Variants in RGL1 observed in about 807,000 individuals in gnomAD.
The protein encoded by RGL1 is ral guanine nucleotide dissociation stimulator-like 1.
Under a neutral mutation model 95.2 loss-of-function variants are expected in RGL1, and 24 were observed. The observed-to-expected ratio is 0.25, with a 90% CI of 0.18 to 0.35. RGL1 has a LOEUF of 0.35. Among genes scored for constraint, RGL1 ranks in the 10% least tolerant of loss-of-function variants. The pLI is 1.00. For synonymous variants in RGL1, 329 were observed against 344.9 expected (o/e 0.95, Z 0.51); for missense variants, 715 against 936.3 (o/e 0.76, Z 3.08).
intron 2 of RGL1, among the ~76,000 whole-genome samples, chr1:183,841,912 T>A (rs972885289): frequency 1.3e-5 from 2 of 152,126 alleles, no homozygotes; most frequent in Non-Finnish European, 2.9e-5. Flanking sequence ...ATTTTCAGAA[T>A]GGGGATACTT....
In RGL1 at chr1:183,926,969, G is replaced by A. The variant is rs540750552; in HGVS notation, c.*677G>A. ...CTTTCTGCTACCCTAGGGAGGCCAG[G>A]AGGAGCTTCGGAGGACCATCGCCCC... On this transcript the variant is annotated 3_prime_UTR_variant, in exon 18 of 18. Coordinates refer to ENST00000360851, the MANE Select transcript of RGL1 (RefSeq NM_001297671.3). 6.5e-6 allele frequency: 1 copy of A among 152,788 alleles called. No homozygotes were observed. The highest frequency in any genetic ancestry group is 1.5e-5 in the Non-Finnish European group (1 of 68,068). 9.5% of individuals were successfully genotyped at this position (152,788 alleles called of 1,614,324 possible). A position where few individuals can be genotyped will look rare whatever the true frequency, so the allele number is the denominator to read the frequency against.
chr1:183,732,799 A>T (rs919567362), intron 1 of RGL1, among the ~76,000 whole-genome samples: 1 of 152,220 alleles, frequency 6.6e-6, no homozygotes, highest in Non-Finnish European at 1.5e-5. Context: ...TAATTGAGTA[A>T]CCATTGAATG....
chr1:183,799,137 C>T (rs1359378047), intron 2 of RGL1, among the ~76,000 whole-genome samples: 1 of 151,670 alleles, frequency 6.6e-6, no homozygotes, highest in East Asian at 1.9e-4. Context: ...CTCCCAACCT[C>T]GTGATCTGCC....
At chr1:183,914,856 G>T (rs566916440) in intron 15 of RGL1, among the ~76,000 whole-genome samples, 10 of 152,196 alleles carry the variant, frequency 6.6e-5, no homozygotes, top group Non-Finnish European at 1.2e-4. Flanking sequence ...GGAACATGAA[G>T]GCGAAAAAAT....
At chr1:183,842,616 A>G (rs957290676) in intron 2 of RGL1, among the ~76,000 whole-genome samples, 2 of 152,212 alleles carry the variant, frequency 1.3e-5, no homozygotes, top group African/African-American at 2.4e-5. Flanking sequence ...AAAAACAAAC[A>G]TGAAACATTT....
At chr1:183,850,153 G>T (rs553574930) in intron 3 of RGL1, among the ~76,000 whole-genome samples, 23 of 152,088 alleles carry the variant, frequency 1.5e-4, no homozygotes, top group African/African-American at 5.5e-4. Flanking sequence ...AATTCTTATT[G>T]GCTGTTTGTG....
chr1:183,664,038 G>A (rs1380820059), intron 1 of RGL1, among the ~76,000 whole-genome samples: 1 of 124,734 alleles, frequency 8.0e-6, no homozygotes, highest in South Asian at 2.8e-4. Context: ...ACAGGAAGGG[G>A]AACATCACAC....
intron 1 of RGL1, among the ~76,000 whole-genome samples, chr1:183,704,577 G>A (rs1654792620): frequency 6.6e-6 from 1 of 152,170 alleles, no homozygotes; most frequent in Non-Finnish European, 1.5e-5. Flanking sequence ...GGTCTGTTAG[G>A]TTTGGAAAAT....
intron 1 of RGL1, among the ~76,000 whole-genome samples, chr1:183,663,642 G>C (rs1364111841): frequency 1.3e-5 from 2 of 151,952 alleles, no homozygotes; most frequent in African/African-American, 2.4e-5. Context: ...AACCCTTGTG[G>C]AAGTCAGTGT....
chr1:183,903,164 G>A (rs775369415), intron 12 of RGL1, among the ~76,000 whole-genome samples: 2 of 151,918 alleles, frequency 1.3e-5, no homozygotes, highest in Non-Finnish European at 2.9e-5. Flanking sequence ...ATAAAAACCA[G>A]GTTTACCCTA....
intron 2 of RGL1, among the ~76,000 whole-genome samples, chr1:183,757,017 G>GTT (rs1334256397): frequency 1.2e-5 from 1 of 80,802 alleles, no homozygotes; most frequent in Non-Finnish European, 2.3e-5. Flanking sequence ...TGGGTGGTTT[G>GTT]TTTGTTTTTT....
intron 1 of RGL1, among the ~76,000 whole-genome samples, chr1:183,705,282 G>C: frequency 6.6e-6 from 1 of 152,194 alleles, no homozygotes; most frequent in East Asian, 1.9e-4. Context: ...GTGAGCCCTC[G>C]GGTTTGCGGG....
chr1:183,919,306 C>T (rs1416150595), intron 16 of RGL1, among the ~76,000 whole-genome samples: 3 of 151,930 alleles, frequency 2.0e-5, no homozygotes, highest in Admixed American at 1.3e-4. Context: ...TTTGTTTTTA[C>T]TGTGAGTACA....
chr1:183,692,381 A>G (rs1283262054), intron 1 of RGL1, among the ~76,000 whole-genome samples: 1 of 152,196 alleles, frequency 6.6e-6, no homozygotes, highest in African/African-American at 2.4e-5. Flanking sequence ...GCAGTGGGTC[A>G]TGACTGGATG....
chr1:183,916,762 C>T (rs1032947118), intron 16 of RGL1, 61 bp downstream of exon 16: 12 of 1,566,630 alleles, frequency 7.7e-6, no homozygotes, highest in African/African-American at 2.7e-5. Flanking sequence ...CTGTGTCTGT[C>T]GGCCGCTCAG....
intron 2 of RGL1, among the ~76,000 whole-genome samples, chr1:183,822,137 G>T (rs1662531916): frequency 6.6e-6 from 1 of 151,954 alleles, no homozygotes; most frequent in Non-Finnish European, 1.5e-5. Context: ...GGGGTTACAT[G>T]GGCCTTGTAT....
intron 2 of RGL1, among the ~76,000 whole-genome samples, chr1:183,824,550 T>C (rs1407119598): frequency 6.6e-6 from 1 of 152,228 alleles, no homozygotes; most frequent in Non-Finnish European, 1.5e-5. Context: ...CAGCAACCAC[T>C]GCCTTCCTAT....
intron 2 of RGL1, among the ~76,000 whole-genome samples, chr1:183,843,660 T>C (rs1316828639): frequency 1.3e-5 from 2 of 152,218 alleles, no homozygotes; most frequent in Non-Finnish European, 2.9e-5. Context: ...CCATTGTAAG[T>C]AAAATAAGAA....
intron 2 of RGL1, among the ~76,000 whole-genome samples, chr1:183,798,878 CTTTTTTTTTTTT>C: frequency 1.1e-5 from 1 of 88,184 alleles, no homozygotes. Flanking sequence ...GCAGGATTTC[CTTTTTTTTTTTT>C]TTTTTTTTTT....
Sources: gnomAD v4.1 joint callset for allele counts (sites outside exome capture counted in the v4.1 genomes callset) on GRCh38, gnomAD v4.1.1 for gene constraint, MANE v1.5 for transcripts, NCBI Gene and HGNC (gene_info 2026-07-23, HGNC 2026-07-21) for gene names.